Variants in PDE4D observed in about 807,000 individuals in gnomAD.
PDE4D encodes the protein 3',5'-cyclic-AMP phosphodiesterase 4D.
Under a neutral mutation model 87.4 loss-of-function variants are expected in PDE4D, and 24 were observed. That is an observed-to-expected ratio of 0.27 (90% CI 0.20 to 0.39). The LOEUF is 0.39. Among genes scored for constraint, PDE4D ranks in the 10% least tolerant of loss-of-function variants. The pLI, the probability that PDE4D is intolerant of heterozygous loss-of-function variation, is 1.00. For synonymous variants in PDE4D, 384 were observed against 383.2 expected, an observed-to-expected ratio of 1.00 and a Z score of -0.02; for missense variants, 714 against 1,041.0, an observed-to-expected ratio of 0.69 and a Z score of 4.32.
intron 1 of PDE4D, among the ~76,000 whole-genome samples, chr5:59,228,101 A>G (rs533261933): frequency 1.3e-5 from 2 of 152,336 alleles, no homozygotes; most frequent in African/African-American, 2.4e-5. Context: ...TGTTCTTTGT[A>G]GGAACATGGA....
chr5:60,314,465 C>A (rs73106724), intron 1 of PDE4D, among the ~76,000 whole-genome samples: 1 of 152,036 alleles, frequency 6.6e-6, no homozygotes, highest in Admixed American at 6.5e-5. Flanking sequence ...CTGCACCCGG[C>A]GGACAGTATG....
chr5:60,067,207 T>A (rs1397527835), intron 2 of PDE4D, among the ~76,000 whole-genome samples: 1 of 152,088 alleles, frequency 6.6e-6, no homozygotes, highest in Non-Finnish European at 1.5e-5. Flanking sequence ...TTAATCCCAG[T>A]AATTTGTCCT....
At chr5:59,146,749 C>A (rs1456940406) in intron 5 of PDE4D, among the ~76,000 whole-genome samples, 1 of 152,010 alleles carries the variant, frequency 6.6e-6, no homozygotes, top group Non-Finnish European at 1.5e-5. Flanking sequence ...AAACAATTGC[C>A]TATTGCTTTA....
At chr5:59,243,122 G>A (rs553978516) in intron 1 of PDE4D, among the ~76,000 whole-genome samples, 36 of 152,152 alleles carry the variant, frequency 2.4e-4, no homozygotes, top group African/African-American at 7.7e-4. Context: ...AATGATTCTC[G>A]TTTTTACTAT....
chr5:59,022,500 A>G (rs1172872650), intron 6 of PDE4D, among the ~76,000 whole-genome samples: 1 of 152,214 alleles, frequency 6.6e-6, no homozygotes, highest in Non-Finnish European at 1.5e-5. Flanking sequence ...TTTTAAAATC[A>G]TGAACCTGCT....
intron 1 of PDE4D, among the ~76,000 whole-genome samples, chr5:59,520,401 T>G (rs551784123): frequency 6.6e-6 from 1 of 152,112 alleles, no homozygotes; most frequent in Non-Finnish European, 1.5e-5. Flanking sequence ...CTGATAAAGG[T>G]GCTTAAAAAG....
At chr5:59,222,691 G>A (rs964282277) in intron 1 of PDE4D, among the ~76,000 whole-genome samples, 1 of 152,164 alleles carries the variant, frequency 6.6e-6, no homozygotes. Context: ...TACCAAAAAT[G>A]TTCCTGTTAA....
At chr5:58,991,708 CA>C in intron 8 of PDE4D, 123 bp downstream of exon 8, 2 of 544,016 alleles carry the variant, frequency 3.7e-6, no homozygotes, top group Non-Finnish European at 2.6e-6. Flanking sequence ...TTCCCATCTT[CA>C]AAAAAAGAAA....
chr5:59,820,759 A>G (rs1769550403), intron 1 of PDE4D, among the ~76,000 whole-genome samples: 1 of 152,192 alleles, frequency 6.6e-6, no homozygotes, highest in African/African-American at 2.4e-5. Flanking sequence ...CTCCCAATAT[A>G]TATCTATGTA....
chr5:59,390,151 A>T (rs1471859214), intron 1 of PDE4D, among the ~76,000 whole-genome samples: 1 of 152,088 alleles, frequency 6.6e-6, no homozygotes, highest in Admixed American at 6.6e-5. Flanking sequence ...ATTTACAGTA[A>T]AAAGGAGATT....
chr5:59,301,227 G>A (rs1003878073), intron 1 of PDE4D, among the ~76,000 whole-genome samples: 4 of 152,086 alleles, frequency 2.6e-5, no homozygotes, highest in African/African-American at 7.2e-5. Context: ...AAGGAGAGAA[G>A]GAGAAGGTCA....
intron 3 of PDE4D, among the ~76,000 whole-genome samples, chr5:59,952,562 C>A (rs1758413196): frequency 1.3e-5 from 2 of 152,176 alleles, no homozygotes; most frequent in Admixed American, 6.5e-5. Context: ...GATTTACGTT[C>A]TTTTCCTTTG....
Position 59,406,163 on chromosome 5 carries a change from TTTC to T in PDE4D, c.456-190198_456-190196del, listed in dbSNP as rs773049864. ...CAGTAAAGCCATCAGATCCTGGGCT[TTTC>T]TTTACTGGGAGACTTTTCATTATGG... On this transcript the variant is annotated intron_variant, in intron 1 of 14. Coordinates refer to ENST00000340635, the MANE Select transcript of PDE4D (RefSeq NM_001104631.2). 5.3e-5 allele frequency among the ~76,000 whole-genome samples: 8 copies of T among 152,172 alleles called. No individual in the cohort carries two copies. In the East Asian group the frequency reaches 1.5e-3, roughly 29 times the overall value.
rs368672708 is a variant in PDE4D, at chr5:59,409,011, G to A, written c.456-193043C>T. On this transcript the variant is annotated intron_variant, in intron 1 of 14. Transcript: ENST00000340635. The stretch of plus-strand genomic sequence containing the variant: ...AAAAATACAAAAATTAGCTGGGCAT[G>A]ACAGCGGGTGCCTGTAATCCCAGCT... Among the ~76,000 whole-genome samples the A allele has an allele frequency of 1.6e-4, 25 of 152,178 alleles. No homozygotes were observed. The East Asian group carries it at 3.9e-3, about 24-fold the overall frequency.
intron 1 of PDE4D, among the ~76,000 whole-genome samples, chr5:59,469,845 C>A (rs554430714): frequency 6.6e-6 from 1 of 152,062 alleles, no homozygotes; most frequent in Non-Finnish European, 1.5e-5. Flanking sequence ...GCTGGCTGGG[C>A]AAACCAACGC....
At chr5:59,847,521 C>T (rs1744040527) in intron 1 of PDE4D, among the ~76,000 whole-genome samples, 1 of 151,988 alleles carries the variant, frequency 6.6e-6, no homozygotes, top group Non-Finnish European at 1.5e-5. Context: ...TAACAGGAAC[C>T]TTTCTTTTTT....
At chr5:59,494,279 G>A (rs566011051) in intron 1 of PDE4D, among the ~76,000 whole-genome samples, 37 of 152,076 alleles carry the variant, frequency 2.4e-4, no homozygotes, top group African/African-American at 6.5e-4. Context: ...TCTAGAAGTC[G>A]TATAGCCATT....
intron 5 of PDE4D, among the ~76,000 whole-genome samples, chr5:59,154,361 A>G (rs1057176270): frequency 6.6e-6 from 1 of 152,188 alleles, no homozygotes; most frequent in African/African-American, 2.4e-5. Flanking sequence ...TTATAAAACC[A>G]TATTTATCTT....
intron 1 of PDE4D, among the ~76,000 whole-genome samples, chr5:59,537,883 A>T (rs1393415758): frequency 1.3e-5 from 2 of 152,146 alleles, no homozygotes; most frequent in Non-Finnish European, 2.9e-5. Context: ...TGTTATATTC[A>T]TCTACTCATT....
Sources: gnomAD v4.1 joint callset for allele counts (sites outside exome capture counted in the v4.1 genomes callset) on GRCh38, gnomAD v4.1.1 for gene constraint, MANE v1.5 for transcripts, NCBI Gene and HGNC (gene_info 2026-07-23, HGNC 2026-07-21) for gene names.